The following CIT variants were observed in gnomAD, a reference collection of about 807,000 sequenced individuals.
CIT encodes citron rho-interacting serine/threonine kinase.
CIT carries 79 observed loss-of-function variants against 272.7 expected under a neutral mutation model. The ratio of observed to expected loss-of-function variants is 0.29; its 90% CI spans 0.24 to 0.35. The LOEUF (loss-of-function observed/expected upper bound fraction) is 0.35, where lower values mean the gene tolerates loss of function less well. Among genes scored for constraint, CIT ranks in the 10% least tolerant of loss-of-function variants. The pLI, the probability that CIT is intolerant of heterozygous loss-of-function variation, is 1.00. For missense variants in CIT, 1,909 were observed against 2,618.3 expected, an observed-to-expected ratio of 0.73 and a Z score of 5.91; for synonymous variants, 948 against 995.6, an observed-to-expected ratio of 0.95 and a Z score of 0.90.
At chr12:119,776,138 G>A (rs1457031904) in intron 15 of CIT, among the ~76,000 whole-genome samples, 2 of 152,156 alleles carry the variant, frequency 1.3e-5, no homozygotes, top group Non-Finnish European at 2.9e-5. Flanking sequence ...TGGGTTTGTT[G>A]CTGTGGGCAG....
At chr12:119,750,100 T>C (rs1353430577) in intron 23 of CIT, among the ~76,000 whole-genome samples, 1 of 152,244 alleles carries the variant, frequency 6.6e-6, no homozygotes, top group African/African-American at 2.4e-5. Context: ...GCTTATTAAA[T>C]ATGGATTAAA....
chr12:119,695,732 C>A (rs1956191392), intron 46 of CIT, among the ~76,000 whole-genome samples: 1 of 152,090 alleles, frequency 6.6e-6, no homozygotes, highest in Non-Finnish European at 1.5e-5. Context: ...GAGGTCGAGG[C>A]TGCAGTGAGC....
chr12:119,693,833 A>G (rs1956083063), intron 46 of CIT, among the ~76,000 whole-genome samples: 1 of 152,214 alleles, frequency 6.6e-6, no homozygotes, highest in Admixed American at 6.5e-5. Context: ...AGATCTTGGT[A>G]TTTTGTAATA....
At position 119,713,369 on chromosome 12, in the gene CIT, G is replaced by A; in HGVS notation, c.4488-75C>T. ...TCCGGCTGGAGGATAGGATGAGGGG[G>A]TGGCAGAGTTCCTAGAAAAGACACT... is the stretch of plus-strand genomic sequence containing the variant. On this transcript the variant is annotated intron_variant, in intron 34 of 47. Coordinates refer to ENST00000392521, the MANE Select transcript of CIT (RefSeq NM_001206999.2). This position sits in a 1 kb window ranked among gnomAD's most constrained non-coding sequence, Gnocchi z 5.2. 3 of 1,577,888 alleles carry A rather than the reference G, an allele frequency of 1.9e-6. No individual in the cohort carries two copies. Among genetic ancestry groups the A allele is most frequent in the Non-Finnish European group, 8.7e-7 (1 of 1,150,730 alleles).
At chr12:119,732,037 T>C (rs1186241874) in intron 26 of CIT, among the ~76,000 whole-genome samples, 5 of 151,962 alleles carry the variant, frequency 3.3e-5, no homozygotes, top group East Asian at 1.9e-4. Flanking sequence ...GATTTCGCCA[T>C]GTTGGCCAGG....
intron 15 of CIT, among the ~76,000 whole-genome samples, 173 bp downstream of exon 15, chr12:119,776,185 A>C (rs918175405): frequency 1.3e-5 from 2 of 152,194 alleles, no homozygotes; most frequent in African/African-American, 4.8e-5. Flanking sequence ...CCTCTTTTAG[A>C]GCCATAAAGT....
intron 9 of CIT, among the ~76,000 whole-genome samples, chr12:119,810,964 C>T (rs1176891789): frequency 6.6e-6 from 1 of 152,114 alleles, no homozygotes; most frequent in Non-Finnish European, 1.5e-5. Context: ...CTCAGGCAAG[C>T]CCTCTAGTTT....
At chr12:119,826,312 T>A (rs998635812) in intron 7 of CIT, among the ~76,000 whole-genome samples, 1 of 152,196 alleles carries the variant, frequency 6.6e-6, no homozygotes, top group Non-Finnish European at 1.5e-5. Flanking sequence ...TATAATCCAA[T>A]GGCACCCAAG....
At chr12:119,727,351 G>T (rs1300483366) in intron 28 of CIT, among the ~76,000 whole-genome samples, 1 of 152,086 alleles carries the variant, frequency 6.6e-6, no homozygotes. Context: ...ATTCCACCTA[G>T]AACGGAAAGC....
intron 2 of CIT, among the ~76,000 whole-genome samples, chr12:119,870,288 C>T (rs1471908378): frequency 1.3e-5 from 2 of 152,272 alleles, no homozygotes; most frequent in African/African-American, 4.8e-5. Flanking sequence ...CGGTGGCTCA[C>T]ATCTGTAATC....
intron 44 of CIT, 161 bp from the exon 45 acceptor site, chr12:119,698,215 G>A (rs932569193): frequency 1.5e-6 from 1 of 665,642 alleles, no homozygotes; most frequent in African/African-American, 1.8e-5. Context: ...CATGTTCGAG[G>A]ATATTCACTG....
At chr12:119,868,625 C>T (rs528264669) in intron 3 of CIT, among the ~76,000 whole-genome samples, 2 of 152,290 alleles carry the variant, frequency 1.3e-5, no homozygotes, top group East Asian at 3.9e-4. Context: ...TGAGCCTCAA[C>T]CTCCCGGGCT....
intron 19 of CIT, among the ~76,000 whole-genome samples, chr12:119,765,374 T>TG (rs1566009882): frequency 4.8e-5 from 7 of 144,992 alleles, no homozygotes; most frequent in African/African-American, 1.5e-4. Context: ...ATATTATATA[T>TG]AATATAATAT....
chr12:119,696,636 G>T lies in CIT; in HGVS notation c.5882+1023C>A, dbSNP rs546314695. Among the ~76,000 whole-genome samples, 8 of 152,080 alleles carry T rather than the reference G, an allele frequency of 5.3e-5. No individual in the cohort carries two copies. The South Asian group carries it at 1.7e-3, about 32-fold the overall frequency. The stretch of plus-strand genomic sequence containing the variant: ...CGCCTCAAGGGCTCAAGCAGTCCCC[G>T]CCACCTCAGCCTCCAGAGTAGCCGG... On this transcript the variant is annotated intron_variant, in intron 46 of 47. Transcript: ENST00000392521.
At chr12:119,806,331 A>G (rs528017524) in intron 9 of CIT, among the ~76,000 whole-genome samples, 7 of 152,326 alleles carry the variant, frequency 4.6e-5, no homozygotes, top group African/African-American at 1.7e-4. Flanking sequence ...AAAAAGCCAC[A>G]GCCTTAAGCC....
intron 13 of CIT, among the ~76,000 whole-genome samples, chr12:119,778,326 T>A (rs1379120224): frequency 6.6e-6 from 1 of 152,170 alleles, no homozygotes; most frequent in East Asian, 1.9e-4. Flanking sequence ...ATAAAAATAT[T>A]CTGTGTTAGC....
chr12:119,834,341 AAAG>A (rs1438906598), intron 5 of CIT, 113 bp from the exon 6 acceptor site: 5 of 993,580 alleles, frequency 5.0e-6, no homozygotes, highest in Middle Eastern at 2.4e-4. Flanking sequence ...TCCACAAAGC[AAAG>A]AAGATGTGTA....
chr12:119,752,379 T>C (rs749976462), intron 22 of CIT, 132 bp from the exon 23 acceptor site: 130 of 775,946 alleles, frequency 1.7e-4, no homozygotes, highest in Non-Finnish European at 2.4e-4. Flanking sequence ...CGGCACTCGA[T>C]AGAGGAGAGG....
chr12:119,753,459 G>A (rs988345390), intron 22 of CIT, among the ~76,000 whole-genome samples: 77 of 152,068 alleles, frequency 5.1e-4, no homozygotes, highest in African/African-American at 1.6e-3. Flanking sequence ...ACTCCCAGCC[G>A]GGTGCAATGG....
Sources: allele counts gnomAD v4.1 joint callset (sites outside exome capture counted in the v4.1 genomes callset), GRCh38; gene constraint gnomAD v4.1.1; non-coding constraint Gnocchi (gnomAD v3.1); transcripts MANE v1.5; gene names NCBI Gene and HGNC (gene_info 2026-07-23, HGNC 2026-07-21).